Variants in RRAS2 observed in about 807,000 individuals in gnomAD.
RRAS2 encodes RAS related 2.
Under a neutral mutation model 27.6 loss-of-function variants are expected in RRAS2, and 7 were observed. The observed-to-expected ratio is 0.25, with a 90% CI of 0.14 to 0.48. The LOEUF (loss-of-function observed/expected upper bound fraction) is 0.48, where lower values mean the gene tolerates loss of function less well. Among genes scored for constraint, RRAS2 ranks in the 20% least tolerant of loss-of-function variants. RRAS2 has a pLI of 0.99. For missense variants in RRAS2, 178 were observed against 256.2 expected (o/e 0.69, Z 2.08); for synonymous variants, 86 against 90.9 (o/e 0.95, Z 0.31).
At chr11:14,349,825 T>C (rs1298857104) in intron 1 of RRAS2, among the ~76,000 whole-genome samples, 1 of 152,216 alleles carries the variant, frequency 6.6e-6, no homozygotes, top group Non-Finnish European at 1.5e-5. Context: ...TGTAGTTAAG[T>C]TACTCATTTG....
At chr11:14,356,995 C>T (rs1849091597) in intron 1 of RRAS2, among the ~76,000 whole-genome samples, 1 of 151,856 alleles carries the variant, frequency 6.6e-6, no homozygotes, top group South Asian at 2.1e-4. Flanking sequence ...ACTATATTGG[C>T]CAGGCTGGTC....
intron 1 of RRAS2, among the ~76,000 whole-genome samples, chr11:14,307,070 G>T (rs142886296): frequency 0.013 from 1,910 of 151,918 alleles, 19 homozygotes; most frequent in South Asian, 0.06. Context: ...ACATGCCTGT[G>T]GTCCTAGCTA....
Position 14,281,585 on chromosome 11 carries a change from G to T in RRAS2, c.527+17C>A. On this transcript the variant is annotated intron_variant, in intron 5 of 5. Coordinates refer to ENST00000256196, the MANE Select transcript of RRAS2 (RefSeq NM_012250.6). Reference sequence around the variant, plus strand: ...AGTAATTTATTAAAACACACATCTAGAATGTGTTTTGCTTACCTGATAACC... The same window carrying T: ...AGTAATTTATTAAAACACACATCTATAATGTGTTTTGCTTACCTGATAACC... The T allele has an allele frequency of 6.5e-7, 1 of 1,541,740 alleles. No homozygotes were observed. Among genetic ancestry groups the T allele is most frequent in the Non-Finnish European group, 8.8e-7 (1 of 1,131,604 alleles).
intron 1 of RRAS2, among the ~76,000 whole-genome samples, chr11:14,303,589 A>G (rs941085577): frequency 6.6e-6 from 1 of 152,164 alleles, no homozygotes; most frequent in South Asian, 2.1e-4. Context: ...AGGGGGGAAA[A>G]AAGTTTAAAT....
In RRAS2 at chr11:14,329,005, GTGTGTGTATA is replaced by G. The variant is rs1310677192; in HGVS notation, c.108+29748_108+29757del. On this transcript the variant is annotated intron_variant, in intron 1 of 5. Coordinates refer to ENST00000256196, the MANE Select transcript of RRAS2 (RefSeq NM_012250.6). ...TATATATGTGTGTGTGTGTGTGTGT[GTGTGTGTATA>G]TATATATATATATACACACACACAT... Among the ~76,000 whole-genome samples the G allele has an allele frequency of 1.8e-4, 10 of 55,422 alleles. 1 individual carries two copies. Among genetic ancestry groups the G allele is most frequent in the East Asian group, 1.1e-3 (2 of 1,900 alleles). 36.4% of individuals were successfully genotyped at this position (55,422 alleles called of 152,430 possible).
At chr11:14,313,356 T>A (rs782255140) in intron 1 of RRAS2, among the ~76,000 whole-genome samples, 2 of 152,234 alleles carry the variant, frequency 1.3e-5, no homozygotes, top group South Asian at 2.1e-4. Context: ...CACATTTATA[T>A]GCATATAATA....
intron 5 of RRAS2, among the ~76,000 whole-genome samples, chr11:14,280,190 A>T (rs1272485915): frequency 2.6e-5 from 4 of 152,182 alleles, no homozygotes; most frequent in Non-Finnish European, 5.9e-5. Flanking sequence ...ATACAATTTG[A>T]TGGTATCAAG....
At chr11:14,332,397 A>T (rs575386182) in intron 1 of RRAS2, among the ~76,000 whole-genome samples, 1 of 152,266 alleles carries the variant, frequency 6.6e-6, no homozygotes, top group South Asian at 2.1e-4. Flanking sequence ...GCTACTTGGG[A>T]GGCTGAGGCA....
intron 4 of RRAS2, 118 bp from the exon 5 acceptor site, chr11:14,281,838 G>A (rs935268869): frequency 6.1e-6 from 5 of 818,012 alleles, no homozygotes; most frequent in Non-Finnish European, 9.8e-6. Flanking sequence ...TTTATCATAA[G>A]GTGAAACAAC....
chr11:14,332,695 A>AG (rs1848504462), intron 1 of RRAS2, among the ~76,000 whole-genome samples: 2 of 152,302 alleles, frequency 1.3e-5, no homozygotes, highest in Admixed American at 1.3e-4. Flanking sequence ...GAGACAAGGG[A>AG]CCTTCTTGGA....
At chr11:14,305,596 A>C (rs1399806691) in intron 1 of RRAS2, among the ~76,000 whole-genome samples, 1 of 152,166 alleles carries the variant, frequency 6.6e-6, no homozygotes, top group Non-Finnish European at 1.5e-5. Flanking sequence ...AAAACATTCT[A>C]AGTACAAAAA....
At chr11:14,282,977 G>A (rs781917905) in intron 4 of RRAS2, among the ~76,000 whole-genome samples, 1 of 152,098 alleles carries the variant, frequency 6.6e-6, no homozygotes, top group African/African-American at 2.4e-5. Context: ...AGTGGTGACG[G>A]GAATACTCTT....
intron 4 of RRAS2, among the ~76,000 whole-genome samples, chr11:14,291,857 T>C (rs1238490087): frequency 2.0e-5 from 3 of 152,180 alleles, no homozygotes; most frequent in African/African-American, 7.2e-5. Flanking sequence ...CAGAAGTGTT[T>C]GGGATTTTGG....
chr11:14,315,081 CCTCTA>C (rs1428673143), intron 1 of RRAS2, among the ~76,000 whole-genome samples: 1 of 152,176 alleles, frequency 6.6e-6, no homozygotes, highest in Non-Finnish European at 1.5e-5. Context: ...TTAAACTAAG[CCTCTA>C]CTATTTAAAT....
chr11:14,356,870 C>T (rs1849087863), intron 1 of RRAS2: 1 of 398,532 alleles, frequency 2.5e-6, no homozygotes, highest in South Asian at 1.9e-5. Flanking sequence ...TCACTACAAT[C>T]TCCGCCTCCC....
In RRAS2 at chr11:14,349,303, C is replaced by G. The variant is rs544056993; in HGVS notation, c.108+9460G>C. On this transcript the variant is annotated intron_variant, in intron 1 of 5. Coordinates refer to ENST00000256196, the MANE Select transcript of RRAS2 (RefSeq NM_012250.6). ...AGTAGCTAGGACTATAGGCACCCGC[C>G]ACCACACCCGGCTAATTTTTTTTTT... Among the ~76,000 whole-genome samples, 24 of 151,840 alleles carry G rather than the reference C, an allele frequency of 1.6e-4. 1 individual carries two copies. The highest frequency in any genetic ancestry group is 1.5e-3 in the Admixed American group (23 of 15,258).
At chr11:14,293,124 A>AATATATATATATATATATATATAT (rs781860601) in intron 4 of RRAS2, among the ~76,000 whole-genome samples, 27 of 76,792 alleles carry the variant, frequency 3.5e-4, no homozygotes, top group African/African-American at 8.1e-4. Flanking sequence ...AAACAAAACA[A>AATATATATATATATATATATATAT]ATATATATAT....
chr11:14,352,193 T>C (rs576261169), intron 1 of RRAS2, among the ~76,000 whole-genome samples: 11 of 152,316 alleles, frequency 7.2e-5, no homozygotes, highest in African/African-American at 2.6e-4. Flanking sequence ...TTGTATAAGG[T>C]GACAGTAAGT....
intron 1 of RRAS2, among the ~76,000 whole-genome samples, chr11:14,345,765 T>C (rs1204939819): frequency 2.6e-5 from 4 of 152,196 alleles, no homozygotes; most frequent in East Asian, 1.9e-4. Flanking sequence ...TAGTAAAATT[T>C]TGTATTTGTT....
Sources: allele counts gnomAD v4.1 joint callset (sites outside exome capture counted in the v4.1 genomes callset), GRCh38; gene constraint gnomAD v4.1.1; transcripts MANE v1.5; gene names NCBI Gene and HGNC (gene_info 2026-07-23, HGNC 2026-07-21).